The following GRIK1 variants were observed in gnomAD, a reference collection of about 807,000 sequenced individuals.
The protein encoded by GRIK1 is glutamate receptor ionotropic, kainate 1.
A neutral mutation model predicts 105.7 loss-of-function variants in GRIK1; 69 were observed. That is an observed-to-expected ratio of 0.65 (90% CI 0.54 to 0.80). GRIK1 has a LOEUF of 0.80. GRIK1 is among the 30% of genes least tolerant of loss of function. GRIK1 has a pLI of 0.00. For missense variants in GRIK1, 1,109 were observed against 1,167.3 expected (o/e 0.95, Z 0.73); for synonymous variants, 438 against 431.3 (o/e 1.02, Z -0.19).
At chr21:29,931,985 A>G (rs947312056) in intron 1 of GRIK1, among the ~76,000 whole-genome samples, 1 of 152,210 alleles carries the variant, frequency 6.6e-6, no homozygotes, top group Admixed American at 6.5e-5. Flanking sequence ...AATAACAATT[A>G]ACCATTGGAT....
chr21:29,539,401 T>C (rs2089934252), intron 16 of GRIK1, among the ~76,000 whole-genome samples: 1 of 152,192 alleles, frequency 6.6e-6, no homozygotes, highest in African/African-American at 2.4e-5. Flanking sequence ...CAGTGTTGAC[T>C]CTGTCATATA....
At chr21:29,650,401 G>A (rs1339887059) in intron 6 of GRIK1, among the ~76,000 whole-genome samples, 2 of 152,164 alleles carry the variant, frequency 1.3e-5, no homozygotes, top group East Asian at 1.9e-4. Context: ...CATATAGGAA[G>A]CATTTTAAAA....
intron 1 of GRIK1, among the ~76,000 whole-genome samples, chr21:29,707,576 A>C (rs1028785043): frequency 2.7e-5 from 4 of 150,034 alleles, no homozygotes; most frequent in Admixed American, 6.6e-5. Flanking sequence ...GCTCACTGCA[A>C]CCTCTGCCTC....
At chr21:29,620,796 T>TAGATAG (rs1358286717) in intron 7 of GRIK1, among the ~76,000 whole-genome samples, 1 of 112,396 alleles carries the variant, frequency 8.9e-6, no homozygotes, top group African/African-American at 4.9e-5. Context: ...TATATATCTA[T>TAGATAG]ATATATATAG....
At chr21:29,546,182 C>T (rs114807187) in intron 16 of GRIK1, among the ~76,000 whole-genome samples, 3,634 of 152,260 alleles carry the variant, frequency 0.024, 133 homozygotes, top group African/African-American at 0.082. Context: ...GTGTCTTTCC[C>T]GCTCTAACCT....
At chr21:29,854,140 G>T (rs969075515) in intron 1 of GRIK1, among the ~76,000 whole-genome samples, 1 of 152,104 alleles carries the variant, frequency 6.6e-6, no homozygotes. Context: ...AGGGTCTCAG[G>T]GAGCTTCCAC....
intron 12 of GRIK1, among the ~76,000 whole-genome samples, chr21:29,585,998 C>T (rs2300307): frequency 0.16 from 24,287 of 152,104 alleles, 2,093 homozygotes; most frequent in South Asian, 0.25. Context: ...CAATAGCACT[C>T]CCTACTACCG....
chr21:29,861,786 C>G, intron 1 of GRIK1: 3 of 340,406 alleles, frequency 8.8e-6, no homozygotes, highest in South Asian at 7.1e-5. Context: ...AAATCTTGAA[C>G]CAGCCTTAAA....
chr21:29,768,028 C>T (rs1205971962), intron 1 of GRIK1, among the ~76,000 whole-genome samples: 1 of 152,154 alleles, frequency 6.6e-6, no homozygotes, highest in Non-Finnish European at 1.5e-5. Flanking sequence ...GTCCCAGCTA[C>T]CAATCTTCCG....
chr21:29,718,489 C>A (rs1297319273), intron 1 of GRIK1, among the ~76,000 whole-genome samples: 1 of 152,116 alleles, frequency 6.6e-6, no homozygotes, highest in East Asian at 1.9e-4. Context: ...AGGTATGAAC[C>A]AGATTTGCTG....
chr21:29,756,322 A>G lies in GRIK1; in HGVS notation c.119-62259T>C, dbSNP rs2065340245. Among the ~76,000 whole-genome samples, 5 of 152,098 alleles carry G rather than the reference A, an allele frequency of 3.3e-5. No individual in the cohort carries two copies. The South Asian group carries it at 1.0e-3, about 32-fold the overall frequency. ...CGTGAACCGGGGAGGCAGAGCTTGC[A>G]GTGAGCCGAGATGGTGCCACTGCAC... On this transcript the variant is annotated intron_variant, in intron 1 of 17. Transcript: ENST00000327783.
chr21:29,540,447 T>C (rs2089950633), intron 16 of GRIK1, among the ~76,000 whole-genome samples: 1 of 152,148 alleles, frequency 6.6e-6, no homozygotes, highest in Admixed American at 6.5e-5. Flanking sequence ...TGCCTCCAAG[T>C]TTTTGCTGTA....
intron 12 of GRIK1, among the ~76,000 whole-genome samples, chr21:29,586,804 T>C (rs1159571767): frequency 6.6e-6 from 1 of 152,238 alleles, no homozygotes; most frequent in Non-Finnish European, 1.5e-5. Context: ...CTCCAGGCTC[T>C]GTATGTAAGC....
chr21:29,692,914 T>C lies in GRIK1; in HGVS notation c.286+982A>G, dbSNP rs371487664. The stretch of plus-strand genomic sequence containing the variant: ...ATCTGTGCTCCTAAGAAAATAAGTT[T>C]TATATTTTGTTTGCAAAGAACACTA... On this transcript the variant is annotated intron_variant, in intron 2 of 17. Coordinates refer to ENST00000327783, the MANE Select transcript of GRIK1 (RefSeq NM_001330994.2). Among the ~76,000 whole-genome samples, 9 of 152,318 alleles carry C rather than the reference T, an allele frequency of 5.9e-5. No homozygotes were observed. In the South Asian group the frequency reaches 8.3e-4, roughly 14 times the overall value.
chr21:29,651,177 T>G lies in GRIK1; in HGVS notation c.895A>C (p.Met299Leu). 7.4e-6 allele frequency: 12 copies of G among 1,614,024 alleles called. No homozygotes were observed. Among genetic ancestry groups the G allele is most frequent in the Non-Finnish European group, 1.0e-5 (12 of 1,179,876 alleles). Residue 299 changes from methionine (M) to leucine (L), a missense_variant, in exon 6 of 18, where the codon ATG (methionine) becomes CTG (leucine). Met to Leu is a conservative substitution (Grantham distance 15). Transcript: ENST00000327783. ...CTGGGTGGGGCCTGCAGTCTCTCCA[T>G]GGACCACTTCTCAATGATGGATGAC... ...HVSSIIEKWS[M>L]ERLQAPPRPE... is the part of the protein sequence containing the mutation.
chr21:29,620,045 A>G (rs1316347617), intron 7 of GRIK1, among the ~76,000 whole-genome samples: 1 of 152,228 alleles, frequency 6.6e-6, no homozygotes, highest in African/African-American at 2.4e-5. Context: ...TTCAACCTCT[A>G]TCCTTAGAGA....
intron 15 of GRIK1, among the ~76,000 whole-genome samples, chr21:29,557,523 G>A (rs2090287196): frequency 6.6e-6 from 1 of 152,042 alleles, no homozygotes; most frequent in African/African-American, 2.4e-5. Context: ...ATGTCCTATG[G>A]CATGGTTAAG....
chr21:29,595,107 T>G (rs997155375), intron 9 of GRIK1, among the ~76,000 whole-genome samples: 12 of 151,990 alleles, frequency 7.9e-5, no homozygotes, highest in Non-Finnish European at 1.8e-4. Flanking sequence ...TATATACAAC[T>G]TACAATGTGG....
intron 12 of GRIK1, among the ~76,000 whole-genome samples, chr21:29,583,159 C>A (rs2091058844): frequency 6.6e-6 from 1 of 152,244 alleles, no homozygotes; most frequent in East Asian, 1.9e-4. Context: ...GCAGGGTACA[C>A]CATGCAGGTT....
Sources: allele counts gnomAD v4.1 joint callset (sites outside exome capture counted in the v4.1 genomes callset), GRCh38; gene constraint gnomAD v4.1.1; transcripts MANE v1.5; gene names NCBI Gene and HGNC (gene_info 2026-07-23, HGNC 2026-07-21).